DCAF8L2: variants seen among roughly 807,000 people sequenced by gnomAD.
DCAF8L2 encodes the protein DDB1- and CUL4-associated factor 8-like protein 2.
For synonymous variants in DCAF8L2, 200 were observed against 190.9 expected (o/e 1.05, Z -0.39); for missense variants, 430 against 490.7 (o/e 0.88, Z 1.17).
intron 2 of DCAF8L2, among the ~76,000 whole-genome samples, chrX:27,637,609 G>T (rs892722695): frequency 5.3e-5 from 6 of 112,185 alleles, no homozygotes; most frequent in Non-Finnish European, 1.1e-4. Flanking sequence ...CTTCAAATTT[G>T]AGTATTGATT....
At chrX:27,486,368 T>C in the DCAF8L2 span, among the ~76,000 whole-genome samples, 49 of 111,310 alleles carry the variant, frequency 4.4e-4, no homozygotes, top group Admixed American at 8.7e-4. Context: ...TTTCAATATT[T>C]GAAATGAAAG....
At position 27,676,204 on chromosome X, in the gene DCAF8L2, T is replaced by C. The variant is rs764787453; in HGVS notation, c.-219-1632T>C. Among the ~76,000 whole-genome samples, 16 of 111,266 alleles carry C rather than the reference T, an allele frequency of 1.4e-4. No homozygotes were observed. The South Asian group carries it at 6.1e-3, about 43-fold the overall frequency. The stretch of plus-strand genomic sequence containing the variant: ...TCTTTGTAGGCGTCTCATAGTAACT[T>C]ATGCTTACTCACCTGAGTTACTAGG... On this transcript the variant is annotated intron_variant, in intron 2 of 4. Coordinates refer to ENST00000451261, the MANE Select transcript of DCAF8L2 (RefSeq NM_001353450.2).
At chrX:27,506,599 T>C in the DCAF8L2 span, among the ~76,000 whole-genome samples, 1 of 111,018 alleles carries the variant, frequency 9.0e-6, no homozygotes, top group Non-Finnish European at 1.9e-5. Flanking sequence ...ATAACTCCAA[T>C]CTACCTCATC....
At chrX:27,647,470 T>C (rs1184207692) in intron 2 of DCAF8L2, among the ~76,000 whole-genome samples, 1 of 111,656 alleles carries the variant, frequency 9.0e-6, no homozygotes. Context: ...GCTTAATACC[T>C]AGGTGATGGG....
chrX:27,696,578 C>G (rs1487126828), intron 3 of DCAF8L2, among the ~76,000 whole-genome samples: 1 of 112,048 alleles, frequency 8.9e-6, no homozygotes, highest in Non-Finnish European at 1.9e-5. Flanking sequence ...TCATAGTTTT[C>G]CAAAGTCTGT....
intron 1 of DCAF8L2, among the ~76,000 whole-genome samples, chrX:27,628,081 A>G (rs1184860682): frequency 9.0e-6 from 1 of 111,225 alleles, no homozygotes. Context: ...CCCATTGAAC[A>G]ACTCTCAATT....
intron 3 of DCAF8L2, among the ~76,000 whole-genome samples, chrX:27,710,801 A>G (rs766637252): frequency 2.7e-5 from 3 of 112,234 alleles, no homozygotes; most frequent in Non-Finnish European, 5.6e-5. Flanking sequence ...TTGAAAGGGG[A>G]CATTGTCTTG....
intron 4 of DCAF8L2, among the ~76,000 whole-genome samples, chrX:27,740,418 T>G (rs1602808076): frequency 1.8e-5 from 2 of 112,166 alleles, no homozygotes; most frequent in Admixed American, 9.5e-5. Context: ...ATAGCTGGTG[T>G]CATCCTTTTA....
In DCAF8L2 at chrX:27,749,316, G is replaced by A. The variant is rs1460952381; in HGVS notation, c.*525G>A. The stretch of plus-strand genomic sequence containing the variant: ...GTTCTGTCGATACTGACACTTGGCC[G>A]CACACACACAGTCTCAGAAAAGGAA... On this transcript the variant is annotated 3_prime_UTR_variant, in exon 5 of 5. Coordinates refer to ENST00000451261, the MANE Select transcript of DCAF8L2 (RefSeq NM_001353450.2). Among the ~76,000 whole-genome samples the A allele has an allele frequency of 5.4e-5, 6 of 111,307 alleles. No homozygotes were observed. The highest frequency in any genetic ancestry group is 2.8e-4 in the East Asian group (1 of 3,569).
intron 1 of DCAF8L2, among the ~76,000 whole-genome samples, chrX:27,615,387 T>G (rs773029758): frequency 6.3e-5 from 7 of 111,887 alleles, no homozygotes; most frequent in Non-Finnish European, 1.3e-4. Context: ...TCAATAAATT[T>G]TAAAACATGA....
At chrX:27,606,524 C>T (rs888878484) in intron 1 of DCAF8L2, among the ~76,000 whole-genome samples, 1 of 103,603 alleles carries the variant, frequency 9.7e-6, no homozygotes, top group Non-Finnish European at 2.0e-5. Context: ...GTGCCTGCCA[C>T]CACGCCCAGC....
chrX:27,727,154 A>C (rs1932096598), intron 4 of DCAF8L2, among the ~76,000 whole-genome samples: 1 of 111,942 alleles, frequency 8.9e-6, no homozygotes, highest in African/African-American at 3.2e-5. Context: ...CAGGTTGAGC[A>C]TCTTTCCATA....
chrX:27,633,500 G>C, intron 2 of DCAF8L2: 1 of 111,641 alleles, frequency 9.0e-6, no homozygotes, highest in East Asian at 2.8e-4. Flanking sequence ...CATTTGCAGG[G>C]GTCAGTGTAG....
At chrX:27,511,471 T>A in the DCAF8L2 span, among the ~76,000 whole-genome samples, 1 of 111,906 alleles carries the variant, frequency 8.9e-6, no homozygotes, top group Non-Finnish European at 1.9e-5. Flanking sequence ...ATGAAATATT[T>A]TACTAAATTG....
the DCAF8L2 span, among the ~76,000 whole-genome samples, chrX:27,512,082 G>A: frequency 1.8e-5 from 2 of 108,583 alleles, no homozygotes; most frequent in African/African-American, 6.8e-5. Context: ...TGGGCAACAT[G>A]AGACTCTGCT....
intron 3 of DCAF8L2, among the ~76,000 whole-genome samples, chrX:27,681,440 C>T (rs369596570): frequency 1.8e-4 from 20 of 111,317 alleles, no homozygotes; most frequent in Non-Finnish European, 3.6e-4. Flanking sequence ...AGAGCTGCAC[C>T]GCCCTAAATG....
chrX:27,578,652 A>G, the DCAF8L2 span, among the ~76,000 whole-genome samples: 1 of 111,605 alleles, frequency 9.0e-6, no homozygotes. Context: ...TTTGCAATCT[A>G]TCCATCTGAC....
the DCAF8L2 span, among the ~76,000 whole-genome samples, chrX:27,578,544 A>G: frequency 1.8e-5 from 2 of 112,062 alleles, no homozygotes; most frequent in Admixed American, 9.5e-5. Flanking sequence ...AGAAAAGCCA[A>G]AATTGACAAG....
At chrX:27,746,806 C>G (rs1922192154) in intron 4 of DCAF8L2, 32 bp from the exon 5 acceptor site, 1 of 854,746 alleles carries the variant, frequency 1.2e-6, no homozygotes, top group African/African-American at 2.0e-5. Context: ...TCACTACCAT[C>G]AGTCCTAACC....
Sources: gnomAD v4.1 joint callset for allele counts (sites outside exome capture counted in the v4.1 genomes callset) on GRCh38, gnomAD v4.1.1 for gene constraint, MANE v1.5 for transcripts, NCBI Gene and HGNC (gene_info 2026-07-23, HGNC 2026-07-21) for gene names.